DLG2: variants seen among roughly 807,000 people sequenced by gnomAD.
DLG2 encodes the protein discs large MAGUK scaffold protein 2.
DLG2 carries 45 observed loss-of-function variants against 132.5 expected under a neutral mutation model. That is an observed-to-expected ratio of 0.34 (90% confidence interval 0.27 to 0.44). The LOEUF (loss-of-function observed/expected upper bound fraction) is 0.44, where lower values mean the gene tolerates loss of function less well. DLG2 is among the 20% of genes least tolerant of loss of function. The pLI is 1.00. For synonymous variants in DLG2, 424 were observed against 419.6 expected (o/e 1.01, Z -0.13); for missense variants, 1,045 against 1,196.9 (o/e 0.87, Z 1.87).
chr11:83,825,761 G>T (rs1213286274), intron 17 of DLG2, among the ~76,000 whole-genome samples: 3 of 152,142 alleles, frequency 2.0e-5, no homozygotes, highest in African/African-American at 7.2e-5. Context: ...ACTTGTGTGT[G>T]GTTTGTTAGT....
intron 18 of DLG2, among the ~76,000 whole-genome samples, chr11:83,771,851 C>T (rs975524501): frequency 7.2e-5 from 11 of 152,014 alleles, no homozygotes; most frequent in African/African-American, 2.2e-4. Flanking sequence ...ATAATGAAAA[C>T]GGATTATAAA....
At chr11:85,256,308 T>C (rs1459681457) in intron 4 of DLG2, among the ~76,000 whole-genome samples, 6 of 152,100 alleles carry the variant, frequency 3.9e-5, no homozygotes, top group Admixed American at 3.3e-4. Context: ...AGCCACTGGA[T>C]GACCAAACTC....
intron 6 of DLG2, among the ~76,000 whole-genome samples, chr11:84,775,248 T>C (rs982524227): frequency 1.3e-5 from 2 of 152,020 alleles, no homozygotes; most frequent in African/African-American, 2.4e-5. Context: ...CCCATCAGAA[T>C]GGCTATTATT....
intron 11 of DLG2, among the ~76,000 whole-genome samples, chr11:83,982,534 A>G (rs2092888745): frequency 6.6e-6 from 1 of 151,926 alleles, no homozygotes; most frequent in Admixed American, 6.6e-5. Flanking sequence ...AAAAAAGAAA[A>G]TACTTTGTAT....
chr11:84,469,490 A>T (rs2099103067), intron 7 of DLG2, among the ~76,000 whole-genome samples: 1 of 151,628 alleles, frequency 6.6e-6, no homozygotes, highest in African/African-American at 2.4e-5. Flanking sequence ...TAGGAGAGCT[A>T]TTTCAGTAGC....
chr11:84,164,070 T>C (rs2095608061), intron 8 of DLG2, among the ~76,000 whole-genome samples: 2 of 152,174 alleles, frequency 1.3e-5, no homozygotes, highest in South Asian at 4.1e-4. Context: ...CATATAACCA[T>C]ACCTATGTAC....
intron 3 of DLG2, among the ~76,000 whole-genome samples, chr11:85,526,882 A>G (rs2074797084): frequency 1.3e-5 from 2 of 152,342 alleles, no homozygotes; most frequent in East Asian, 1.9e-4. Flanking sequence ...ACAACATGTG[A>G]ATATAATAAT....
chr11:84,404,847 C>T (rs1428146021), intron 7 of DLG2, among the ~76,000 whole-genome samples: 1 of 152,124 alleles, frequency 6.6e-6, no homozygotes, highest in Non-Finnish European at 1.5e-5. Context: ...TTTCCAAATC[C>T]TCATGCCTTT....
chr11:84,188,788 G>A (rs2096338705), intron 8 of DLG2, among the ~76,000 whole-genome samples: 1 of 151,932 alleles, frequency 6.6e-6, no homozygotes, highest in Non-Finnish European at 1.5e-5. Flanking sequence ...CAGCCACTAA[G>A]CAAAAAGCCT....
chr11:85,097,265 G>T (rs1425925348), intron 6 of DLG2, among the ~76,000 whole-genome samples: 1 of 151,942 alleles, frequency 6.6e-6, no homozygotes, highest in Non-Finnish European at 1.5e-5. Context: ...AGGCACCCGG[G>T]CTCACCAATC....
intron 11 of DLG2, among the ~76,000 whole-genome samples, chr11:84,015,915 T>C (rs2095156054): frequency 3.3e-5 from 5 of 152,264 alleles, no homozygotes; most frequent in Admixed American, 2.0e-4. Context: ...ATGGGATTGC[T>C]AGGTTGAATT....
chr11:84,462,174 G>A (rs2099082122), intron 7 of DLG2, among the ~76,000 whole-genome samples: 1 of 150,532 alleles, frequency 6.6e-6, no homozygotes, highest in African/African-American at 2.4e-5. Flanking sequence ...TTCTTACTAA[G>A]CCTTCTTACC....
chr11:83,840,704 A>T (rs548745971), intron 16 of DLG2, among the ~76,000 whole-genome samples: 17 of 152,190 alleles, frequency 1.1e-4, no homozygotes, highest in Non-Finnish European at 1.6e-4. Flanking sequence ...AAAAGGTAAA[A>T]GCATGGTGCA....
intron 6 of DLG2, among the ~76,000 whole-genome samples, chr11:85,043,788 C>T (rs147972041): frequency 1.3e-5 from 2 of 151,912 alleles, no homozygotes; most frequent in Non-Finnish European, 2.9e-5. Context: ...AGTAGTGATT[C>T]AATACACAAT....
intron 7 of DLG2, among the ~76,000 whole-genome samples, chr11:84,333,970 A>G (rs1391260116): frequency 6.6e-6 from 1 of 152,192 alleles, no homozygotes; most frequent in East Asian, 1.9e-4. Context: ...GGTAGGCCAG[A>G]GGGTGAGGTA....
At chr11:83,790,927 G>C in intron 17 of DLG2, 1 of 925,596 alleles carries the variant, frequency 1.1e-6, no homozygotes, top group Admixed American at 2.2e-5. Context: ...ATGTAGTCCT[G>C]AGGCAGAAGT....
chr11:84,851,434 C>T (rs2082152102), intron 6 of DLG2, among the ~76,000 whole-genome samples: 1 of 152,088 alleles, frequency 6.6e-6, no homozygotes, highest in Non-Finnish European at 1.5e-5. Flanking sequence ...TATTAACTCA[C>T]TGGAATTGAA....
intron 6 of DLG2, chr11:84,545,437 C>A (rs757842706): frequency 2.2e-6 from 1 of 459,838 alleles, no homozygotes; most frequent in East Asian, 5.8e-5. Flanking sequence ...AAGATTCCTC[C>A]ACAATCATAG....
At chr11:84,853,329 A>G (rs1352394413) in intron 6 of DLG2, among the ~76,000 whole-genome samples, 1 of 151,984 alleles carries the variant, frequency 6.6e-6, no homozygotes, top group Non-Finnish European at 1.5e-5. Flanking sequence ...TATAACGTGA[A>G]AAGGGAAAGT....
Sources: gnomAD v4.1 joint callset for allele counts (sites outside exome capture counted in the v4.1 genomes callset) on GRCh38, gnomAD v4.1.1 for gene constraint, MANE v1.5 for transcripts, NCBI Gene and HGNC (gene_info 2026-07-23, HGNC 2026-07-21) for gene names.